ZNF441: variants seen among roughly 807,000 people sequenced by gnomAD.
ZNF441 encodes zinc finger protein 441.
ZNF441 carries 25 observed loss-of-function variants against 64.5 expected under a neutral mutation model. The observed-to-expected ratio is 0.39, with a 90% confidence interval of 0.28 to 0.54. ZNF441 has a LOEUF of 0.54. ZNF441 is among the 20% of genes least tolerant of loss of function. ZNF441 has a pLI of 0.70. For synonymous variants in ZNF441, 262 were observed against 268.0 expected, an observed-to-expected ratio of 0.98 and a Z score of 0.22; for missense variants, 715 against 843.3, an observed-to-expected ratio of 0.85 and a Z score of 1.88.
intron 1 of ZNF441, among the ~76,000 whole-genome samples, chr19:11,777,047 T>C (rs796643156): frequency 1.2e-4 from 19 of 152,250 alleles, no homozygotes; most frequent in African/African-American, 4.3e-4. Flanking sequence ...TGACCTCAGG[T>C]GATCTGCCTG....
At chr19:11,772,897 C>A (rs116078293) in intron 1 of ZNF441, among the ~76,000 whole-genome samples, 2,603 of 152,256 alleles carry the variant, frequency 0.017, 84 homozygotes, top group African/African-American at 0.058. Flanking sequence ...GGGTTCACAC[C>A]ATTCTCCTGC....
At position 11,783,576 on chromosome 19, in the gene ZNF441, A is replaced by G. The variant is rs1236653039; in HGVS notation, c.*1670A>G. Reference sequence around the variant, plus strand: ...AAGAAAATGTTTATGTACACAGTGGAATACTATTTGGCCATAAAAAAGAGT... The same window carrying G: ...AAGAAAATGTTTATGTACACAGTGGGATACTATTTGGCCATAAAAAAGAGT... On this transcript the variant is annotated 3_prime_UTR_variant, in exon 4 of 4. Transcript: ENST00000357901. The G allele has an allele frequency of 1.3e-5, 2 of 152,244 alleles. No homozygotes were observed. The highest frequency in any genetic ancestry group is 4.8e-5 in the African/African-American group (2 of 41,474). 9.4% of individuals were successfully genotyped at this position (152,244 alleles called of 1,614,324 possible).
chr19:11,783,635 G>T lies in ZNF441; in HGVS notation c.*1729G>T, dbSNP rs979732892. On this transcript the variant is annotated 3_prime_UTR_variant, in exon 4 of 4. Transcript: ENST00000357901. ...ATTGCTAACAACATGGATGGAACTTGAGGTCATTATGGTAAGTGAAATAAG... is the reference window on the plus strand; with the variant it reads ...ATTGCTAACAACATGGATGGAACTTTAGGTCATTATGGTAAGTGAAATAAG... 3.9e-5 allele frequency: 6 copies of T among 152,218 alleles called. No homozygotes were observed. Among genetic ancestry groups the T allele is most frequent in the Admixed American group, 3.3e-4 (5 of 15,280 alleles). 9.4% of individuals were successfully genotyped at this position (152,218 alleles called of 1,614,324 possible).
chr19:11,777,301 T>C (rs1309014124), intron 1 of ZNF441, among the ~76,000 whole-genome samples: 1 of 152,044 alleles, frequency 6.6e-6, no homozygotes, highest in Non-Finnish European at 1.5e-5. Flanking sequence ...AGTAGGACTT[T>C]GTCATGACAA....
intron 1 of ZNF441, among the ~76,000 whole-genome samples, chr19:11,774,500 A>G (rs1436339464): frequency 6.6e-6 from 1 of 151,718 alleles, no homozygotes; most frequent in African/African-American, 2.4e-5. Flanking sequence ...CAATTGTTCT[A>G]TCTTCATTTT....
chr19:11,772,941 G>A (rs1178337152), intron 1 of ZNF441, among the ~76,000 whole-genome samples: 2 of 152,130 alleles, frequency 1.3e-5, no homozygotes, highest in East Asian at 1.9e-4. Flanking sequence ...ACAGGCGCCT[G>A]CCACCACGCC....
At chr19:11,773,548 GTTGT>G (rs1326579372) in intron 1 of ZNF441, among the ~76,000 whole-genome samples, 6 of 152,140 alleles carry the variant, frequency 3.9e-5, no homozygotes, top group Non-Finnish European at 7.4e-5. Flanking sequence ...AAAGAGGTGA[GTTGT>G]TTTTCTCCAA....
At chr19:11,774,527 T>C (rs1005739016) in intron 1 of ZNF441, among the ~76,000 whole-genome samples, 1 of 152,222 alleles carries the variant, frequency 6.6e-6, no homozygotes, top group Non-Finnish European at 1.5e-5. Context: ...TTTTTTACTT[T>C]GGTTGCTCAC....
chr19:11,770,771 T>C (rs184718604), intron 1 of ZNF441, among the ~76,000 whole-genome samples: 17 of 152,128 alleles, frequency 1.1e-4, no homozygotes, highest in Non-Finnish European at 2.1e-4. Context: ...GTGTTTTCTG[T>C]AGAGATGGGG....
At chr19:11,773,178 C>T (rs1411833389) in intron 1 of ZNF441, among the ~76,000 whole-genome samples, 2 of 152,108 alleles carry the variant, frequency 1.3e-5, no homozygotes, top group African/African-American at 2.4e-5. Context: ...GCAATATTTA[C>T]ATTTGCTTGA....
intron 1 of ZNF441, among the ~76,000 whole-genome samples, chr19:11,769,622 CT>C (rs1163249558): frequency 6.6e-6 from 1 of 152,022 alleles, no homozygotes; most frequent in Non-Finnish European, 1.5e-5. Context: ...GCTATAAAGG[CT>C]GAGAATTCAG....
intron 2 of ZNF441, 109 bp downstream of exon 2, chr19:11,777,846 AC>A: frequency 7.6e-7 from 1 of 1,309,348 alleles, no homozygotes; most frequent in Non-Finnish European, 1.0e-6. Flanking sequence ...TGGCCCTTGA[AC>A]CAGCCACCCA....
chr19:11,777,622 A>G lies in ZNF441; in HGVS notation c.15A>G (p.Ala5=). The G allele has an allele frequency of 6.2e-7, 1 of 1,612,972 alleles. No homozygotes were observed. The highest frequency in any genetic ancestry group is 8.5e-7 in the Non-Finnish European group (1 of 1,179,386). The change falls in exon 2 of 4, where the codon GCA becomes GCG. Residue 5 remains alanine, a synonymous_variant. Transcript: ENST00000357901. ...GTGAAATATTTCAGGACTCAGTGGC[A>G]TTTGAGGATGTGGCTATAAACTTCA... MDSV[A]FEDVAINFTC...
At chr19:11,775,721 A>G (rs1975350499) in intron 1 of ZNF441, among the ~76,000 whole-genome samples, 1 of 144,682 alleles carries the variant, frequency 6.9e-6, no homozygotes. Context: ...TCCGATTCGC[A>G]GGTTCAAGCG....
Position 11,777,576 on chromosome 19 carries a change from T to TA in ZNF441, c.4-33dup, listed in dbSNP as rs754611993. 245 of 1,591,338 alleles carry TA rather than the reference T, an allele frequency of 1.5e-4. 1 individual carries two copies. The African/African-American group carries it at 2.9e-3, about 19-fold the overall frequency. On this transcript the variant is annotated intron_variant, in intron 1 of 3. Transcript: ENST00000357901. ...TTTACATTCCCAGTGCCTTCAGTTT[T>TA]AATATTCCTCCTCTGCACATGTGAA...
intron 1 of ZNF441, 68 bp from the exon 2 acceptor site, chr19:11,777,543 G>T: frequency 1.3e-6 from 2 of 1,545,658 alleles, no homozygotes; most frequent in Non-Finnish European, 8.8e-7. Context: ...TGAAGGTTAT[G>T]AAGTGAATTT....
intron 3 of ZNF441, among the ~76,000 whole-genome samples, chr19:11,779,618 G>A (rs182753268): frequency 1.3e-5 from 2 of 152,194 alleles, no homozygotes; most frequent in African/African-American, 2.4e-5. Flanking sequence ...GGTGGCAGGC[G>A]CCTGTGGTCC....
rs1357656886 is a variant in ZNF441, at chr19:11,767,657, G to A, written c.3+461G>A. ...GGTCGCTGGATGGTGGGGAAGTGAG[G>A]GGTGACTCTTGGGACTGGAGGTGAA... is the stretch of plus-strand genomic sequence containing the variant. On this transcript the variant is annotated intron_variant, in intron 1 of 3. Transcript: ENST00000357901. This position sits in a 1 kb window ranked among gnomAD's most constrained non-coding sequence, Gnocchi z 5.1. 2.0e-5 allele frequency among the ~76,000 whole-genome samples: 3 copies of A among 152,208 alleles called. No homozygotes were observed. The highest frequency in any genetic ancestry group is 2.9e-5 in the Non-Finnish European group (2 of 68,032).
rs115358269 is a variant in ZNF441 at position 11,777,595 on chromosome 19, A to T, written c.4-16A>T. 1.1e-3 allele frequency: 1,838 copies of T among 1,608,058 alleles called. 21 individuals are homozygous for T. The African/African-American group carries it at 0.021, about 18-fold the overall frequency. On this transcript the variant is annotated splice_polypyrimidine_tract_variant and intron_variant, in intron 1 of 3. Coordinates refer to ENST00000357901, the MANE Select transcript of ZNF441 (RefSeq NM_152355.3). ...CAGTTTTAATATTCCTCCTCTGCAC[A>T]TGTGAAATATTTCAGGACTCAGTGG...
Sources: allele counts gnomAD v4.1 joint callset (sites outside exome capture counted in the v4.1 genomes callset), GRCh38; gene constraint gnomAD v4.1.1; non-coding constraint Gnocchi (gnomAD v3.1); transcripts MANE v1.5; gene names NCBI Gene and HGNC (gene_info 2026-07-23, HGNC 2026-07-21).